Variants in TJP2 observed in about 807,000 individuals in gnomAD.
TJP2 encodes the protein Friedreich ataxia region gene X104 (tight junction protein ZO-2).
A neutral mutation model predicts 133.1 loss-of-function variants in TJP2; 91 were observed. That is an observed-to-expected ratio of 0.68 (90% confidence interval 0.58 to 0.81). TJP2 has a LOEUF of 0.81. Among genes scored for constraint, TJP2 ranks in the 40% least tolerant of loss-of-function variants. The probability of loss-of-function intolerance (pLI) is 0.00; values close to 1 mark genes in which losing one functional copy is unlikely to be tolerated. For synonymous variants in TJP2, 592 were observed against 583.4 expected (o/e 1.01, Z -0.21); for missense variants, 1,541 against 1,565.6 (o/e 0.98, Z 0.26).
At chr9:69,128,358 T>C (rs12236014) in intron 1 of TJP2, among the ~76,000 whole-genome samples, 52,720 of 57,742 alleles carry the variant, frequency 0.91, 25,022 homozygotes, top group East Asian at 1. Context: ...TACAGTCCCA[T>C]CAGCCAGGTA....
chr9:69,243,947 G>A lies in TJP2; in HGVS notation c.2567-2743G>A, dbSNP rs182202265. 3.3e-5 allele frequency among the ~76,000 whole-genome samples: 5 copies of A among 152,182 alleles called. No individual in the cohort carries two copies. The South Asian group carries it at 6.2e-4, about 19-fold the overall frequency. On this transcript the variant is annotated intron_variant, in intron 17 of 22. Coordinates refer to ENST00000377245, the MANE Select transcript of TJP2 (RefSeq NM_004817.4). ...CCTGTAAATCCCAGCACATTGGGAG[G>A]CCAAGGTGGGCAGGTCACTTGAGCT...
intron 1 of TJP2, among the ~76,000 whole-genome samples, chr9:69,201,394 C>T (rs988328329): frequency 2.0e-5 from 3 of 151,000 alleles, no homozygotes; most frequent in African/African-American, 7.3e-5. Context: ...GGTCTTTGCC[C>T]TGTGCTGTTC....
rs1469451252 is a variant in TJP2 at position 69,251,379 on chromosome 9, A to G, written c.3321+15A>G. 2.5e-6 allele frequency: 4 copies of G among 1,608,930 alleles called. No individual in the cohort carries two copies. Among genetic ancestry groups the G allele is most frequent in the Non-Finnish European group, 3.4e-6 (4 of 1,178,050 alleles). On this transcript the variant is annotated intron_variant, in intron 21 of 22. Transcript: ENST00000377245. ...AGAATGCAAGGGTAATTGTTTTTAA[A>G]CTACACATCATCAATAAGAGTTTTA...
At chr9:69,202,016 G>A (rs1312912443) in intron 1 of TJP2, among the ~76,000 whole-genome samples, 1 of 152,130 alleles carries the variant, frequency 6.6e-6, no homozygotes, top group Non-Finnish European at 1.5e-5. Context: ...AAGATGAAGA[G>A]TTCTTGAGTT....
chr9:69,158,518 G>A (rs2132839245), intron 2 of TJP2, among the ~76,000 whole-genome samples: 1 of 152,072 alleles, frequency 6.6e-6, no homozygotes, highest in East Asian at 1.9e-4. Context: ...TGTCCTATGG[G>A]CTGCGCACAG....
intron 1 of TJP2, among the ~76,000 whole-genome samples, chr9:69,179,642 G>GGCGCCCGCCACC (rs1825350808): frequency 1.3e-5 from 2 of 151,766 alleles, no homozygotes; most frequent in South Asian, 4.2e-4. Context: ...TGGGACTACA[G>GGCGCCCGCCACC]GCGCCCGCCA....
chr9:69,205,304 C>T (rs1202993575), intron 1 of TJP2: 34 of 1,536,126 alleles, frequency 2.2e-5, no homozygotes, highest in Non-Finnish European at 2.9e-5. Context: ...GGAAGCAAAA[C>T]CATTCTCACA....
At chr9:69,185,766 A>G (rs1452244162) in intron 1 of TJP2, among the ~76,000 whole-genome samples, 3 of 152,098 alleles carry the variant, frequency 2.0e-5, no homozygotes, top group Non-Finnish European at 2.9e-5. Context: ...GATTTTTATC[A>G]TATTTTGTAC....
chr9:69,128,817 C>A (rs533490072), intron 1 of TJP2, among the ~76,000 whole-genome samples: 74 of 152,274 alleles, frequency 4.9e-4, no homozygotes, highest in African/African-American at 1.7e-3. Context: ...TGAGCCACTG[C>A]GCCTGGCTAT....
intron 1 of TJP2, among the ~76,000 whole-genome samples, chr9:69,176,111 A>G (rs548979326): frequency 1.3e-5 from 2 of 152,352 alleles, no homozygotes; most frequent in African/African-American, 2.4e-5. Flanking sequence ...ACACTCTGCA[A>G]TACAGAAATT....
In TJP2 at chr9:69,174,356, CGGGACCTGTGTCCGA is replaced by C. The variant is rs886859150; in HGVS notation, c.-16_-2del. On this transcript the variant is annotated 5_prime_UTR_variant, in exon 1 of 23. Coordinates refer to ENST00000377245, the MANE Select transcript of TJP2 (RefSeq NM_004817.4). ...CGGGGTCCGGAGCTGCGCGCCTACG[CGGGACCTGTGTCCGA>C]AATGCCGGTGCGAGGAGACCGCGGG... The C allele has an allele frequency of 1.3e-6, 2 of 1,551,488 alleles. No homozygotes were observed. Among genetic ancestry groups the C allele is most frequent in the Non-Finnish European group, 8.7e-7 (1 of 1,146,952 alleles).
chr9:69,248,329 G>T, intron 19 of TJP2, 105 bp downstream of exon 19: 1 of 1,472,224 alleles, frequency 6.8e-7, no homozygotes, highest in Non-Finnish European at 9.0e-7. Context: ...ATTCCTAAGG[G>T]TTGGAGCAGA....
In TJP2 at chr9:69,221,440, C is replaced by A. The variant is rs545729848; in HGVS notation, c.896C>A (p.Pro299His). 15 of 1,593,850 alleles carry A rather than the reference C, an allele frequency of 9.4e-6. No individual in the cohort carries two copies. Among genetic ancestry groups the A allele is most frequent in the African/African-American group, 4.0e-5 (3 of 74,548 alleles). Residue 299 changes from proline (P) to histidine (H), a missense_variant, in exon 5 of 23, where the codon CCT becomes CAT. Physicochemically the swap from Pro to His is moderately conservative, Grantham distance 77 (BLOSUM62 -2). Transcript: ENST00000377245. ...HPHSRSPSPEPRGRPGPIGVL... is the reference protein window; with the variant it reads ...HPHSRSPSPEHRGRPGPIGVL... ...CACTCACGGAGCCCCAGCCCCGAGC[C>A]TAGGGGGCGGCCGGGGCCCATCGGG...
intron 17 of TJP2, among the ~76,000 whole-genome samples, chr9:69,241,729 G>A (rs1830588022): frequency 6.6e-6 from 1 of 152,138 alleles, no homozygotes; most frequent in African/African-American, 2.4e-5. Flanking sequence ...GAGTGGTACA[G>A]CCTTCCATGT....
chr9:69,225,111 T>C (rs563942699), intron 5 of TJP2, among the ~76,000 whole-genome samples, 193 bp from the exon 6 acceptor site: 6 of 152,234 alleles, frequency 3.9e-5, no homozygotes, highest in Middle Eastern at 3.2e-3. Context: ...ACTTTTAATC[T>C]GGAACAGTTT....
intron 1 of TJP2, among the ~76,000 whole-genome samples, chr9:69,208,509 A>G (rs1827611648): frequency 6.6e-6 from 1 of 152,230 alleles, no homozygotes; most frequent in Admixed American, 6.5e-5. Context: ...GTGAATTTCA[A>G]AAGCCAGATT....
At chr9:69,144,465 G>A (rs1823131870) in intron 1 of TJP2, among the ~76,000 whole-genome samples, 1 of 152,054 alleles carries the variant, frequency 6.6e-6, no homozygotes, top group African/African-American at 2.4e-5. Flanking sequence ...ACAAGGAGCA[G>A]CATGACTCTT....
intron 1 of TJP2, among the ~76,000 whole-genome samples, chr9:69,131,283 T>G (rs1239636161): frequency 1.3e-5 from 2 of 152,200 alleles, no homozygotes; most frequent in African/African-American, 4.8e-5. Flanking sequence ...TTAGCATAAC[T>G]TGATATAAGC....
chr9:69,253,263 T>G (rs531915046), intron 22 of TJP2: 1 of 303,796 alleles, frequency 3.3e-6, no homozygotes, highest in Non-Finnish European at 6.3e-6. Flanking sequence ...TCTTAATTCC[T>G]TTGCATCATC....
Sources: allele counts gnomAD v4.1 joint callset (sites outside exome capture counted in the v4.1 genomes callset), GRCh38; gene constraint gnomAD v4.1.1; transcripts MANE v1.5; gene names NCBI Gene and HGNC (gene_info 2026-07-23, HGNC 2026-07-21).